TENM3: variants seen among roughly 807,000 people sequenced by gnomAD.
TENM3 encodes the protein teneurin-3.
A neutral mutation model predicts 255.1 loss-of-function variants in TENM3; 63 were observed. The observed-to-expected ratio is 0.25, with a 90% CI of 0.20 to 0.30. The LOEUF (loss-of-function observed/expected upper bound fraction) is 0.30, where lower values mean the gene tolerates loss of function less well. Ranked by LOEUF, TENM3 falls within the 10% of genes least tolerant of loss-of-function variation. The pLI is 1.00. For synonymous variants in TENM3, 1,306 were observed against 1,322.3 expected (o/e 0.99, Z 0.27); for missense variants, 2,929 against 3,461.1 (o/e 0.85, Z 3.86).
At chr4:181,527,774 A>AT in the TENM3 span, among the ~76,000 whole-genome samples, 2 of 151,862 alleles carry the variant, frequency 1.3e-5, no homozygotes, top group African/African-American at 4.8e-5. Context: ...AGAAAATTGT[A>AT]TTTTACATTG....
chr4:182,751,053 CTTTATA>C (rs755332605), intron 19 of TENM3, among the ~76,000 whole-genome samples: 8 of 152,130 alleles, frequency 5.3e-5, no homozygotes, highest in South Asian at 4.1e-4. Flanking sequence ...ATTTGCATTT[CTTTATA>C]TTTATAAAAC....
chr4:181,942,848 C>A, the TENM3 span, among the ~76,000 whole-genome samples: 1 of 152,268 alleles, frequency 6.6e-6, no homozygotes, highest in African/African-American at 2.4e-5. Context: ...TGTAAAGGTA[C>A]TTAGCATTAT....
At chr4:181,720,338 T>C in the TENM3 span, among the ~76,000 whole-genome samples, 1 of 152,208 alleles carries the variant, frequency 6.6e-6, no homozygotes, top group Non-Finnish European at 1.5e-5. Flanking sequence ...ATTATAATTC[T>C]CCCAAGATAT....
At chr4:182,617,826 T>C (rs1749682858) in intron 4 of TENM3, among the ~76,000 whole-genome samples, 1 of 152,188 alleles carries the variant, frequency 6.6e-6, no homozygotes, top group Non-Finnish European at 1.5e-5. Flanking sequence ...TGATTCTCTT[T>C]GTCCAAGAAA....
chr4:182,160,729 T>C (rs1316675370), intron 1 of TENM3, among the ~76,000 whole-genome samples: 3 of 152,158 alleles, frequency 2.0e-5, no homozygotes, highest in Non-Finnish European at 2.9e-5. Context: ...CAGTTTCATT[T>C]AGATGTGGGA....
chr4:182,096,441 A>G, the TENM3 span, among the ~76,000 whole-genome samples: 65 of 152,240 alleles, frequency 4.3e-4, 2 homozygotes, highest in Non-Finnish European at 1.5e-4. Flanking sequence ...TCATAGAAGA[A>G]AGAACATGTC....
the TENM3 span, among the ~76,000 whole-genome samples, chr4:181,812,270 C>A: frequency 6.6e-6 from 1 of 152,146 alleles, no homozygotes. Context: ...ACTAACTAAA[C>A]TTTTTTCCTC....
chr4:181,699,442 C>CAAAGAAAA, the TENM3 span, among the ~76,000 whole-genome samples: 1 of 44,068 alleles, frequency 2.3e-5, no homozygotes, highest in Non-Finnish European at 4.1e-5. Context: ...GACCCTGTCG[C>CAAAGAAAA]AAAAAAAAAA....
At chr4:182,355,245 C>T (rs1281083981) in intron 3 of TENM3, among the ~76,000 whole-genome samples, 8 of 152,170 alleles carry the variant, frequency 5.3e-5, no homozygotes, top group Non-Finnish European at 1.2e-4. Context: ...TGTAACTTCC[C>T]TGGGGATGCT....
At position 182,157,481 on chromosome 4, in the gene TENM3, A is replaced by G. The variant is rs796530621; in HGVS notation, c.-76+12727A>G. Among the ~76,000 whole-genome samples, 40 of 152,336 alleles carry G rather than the reference A, an allele frequency of 2.6e-4. 1 individual carries two copies. Among genetic ancestry groups the G allele is most frequent in the African/African-American group, 8.4e-4 (35 of 41,574 alleles). On this transcript the variant is annotated intron_variant, in intron 1 of 2. Transcript: ENST00000512480. ...AGTGCCTGGCCCTGAAGAGTCCAAC[A>G]GTAAATAATTGATGCAGGAATGAAA...
chr4:182,337,413 G>T (rs1764211740), intron 2 of TENM3, among the ~76,000 whole-genome samples: 1 of 152,102 alleles, frequency 6.6e-6, no homozygotes, highest in Non-Finnish European at 1.5e-5. Flanking sequence ...ACAGAAAAGA[G>T]ACACAAGTGA....
At chr4:181,828,296 G>A in the TENM3 span, among the ~76,000 whole-genome samples, 8 of 152,192 alleles carry the variant, frequency 5.3e-5, no homozygotes, top group Admixed American at 5.2e-4. Context: ...GATGGCCCAG[G>A]CCAAAGGCTT....
At chr4:182,102,903 T>C in the TENM3 span, among the ~76,000 whole-genome samples, 1 of 152,176 alleles carries the variant, frequency 6.6e-6, no homozygotes. Flanking sequence ...CAGTAAGTGC[T>C]CAATAAATGT....
intron 3 of TENM3, among the ~76,000 whole-genome samples, chr4:182,425,709 A>G (rs370351956): frequency 6.6e-6 from 1 of 152,182 alleles, no homozygotes; most frequent in Non-Finnish European, 1.5e-5. Flanking sequence ...CAAAACTTCA[A>G]TTAAAAACAC....
chr4:181,729,893 T>C, the TENM3 span, among the ~76,000 whole-genome samples: 6 of 152,348 alleles, frequency 3.9e-5, no homozygotes, highest in African/African-American at 1.4e-4. Flanking sequence ...ACACGATGTC[T>C]GAGAGAAGCT....
intron 3 of TENM3, chr4:182,548,548 T>A (rs370813001): frequency 1.3e-5 from 2 of 152,294 alleles, no homozygotes; most frequent in South Asian, 2.1e-4. Context: ...GGTTCTGGCA[T>A]TCATTGGTTA....
chr4:182,530,308 G>A (rs909451383), intron 3 of TENM3, among the ~76,000 whole-genome samples: 6 of 152,078 alleles, frequency 3.9e-5, no homozygotes, highest in African/African-American at 4.8e-5. Flanking sequence ...ATTGTGTTTC[G>A]AAACACTGCA....
chr4:182,759,962 C>T (rs1763017667), intron 22 of TENM3, among the ~76,000 whole-genome samples: 1 of 152,150 alleles, frequency 6.6e-6, no homozygotes, highest in Admixed American at 6.5e-5. Context: ...GGTGGGAAGA[C>T]TACATTAGGT....
chr4:181,570,284 A>T, the TENM3 span, among the ~76,000 whole-genome samples: 1 of 151,932 alleles, frequency 6.6e-6, no homozygotes, highest in Middle Eastern at 3.2e-3. Flanking sequence ...TGACCTCATG[A>T]TCCACCCGCC....
Sources: allele counts gnomAD v4.1 joint callset (sites outside exome capture counted in the v4.1 genomes callset), GRCh38; gene constraint gnomAD v4.1.1; transcripts MANE v1.5; gene names NCBI Gene and HGNC (gene_info 2026-07-23, HGNC 2026-07-21).